The following APLP2 variants were observed in gnomAD, a reference collection of about 807,000 sequenced individuals.
APLP2 encodes CDEI box-binding protein.
Under a neutral mutation model 89.9 loss-of-function variants are expected in APLP2, and 53 were observed. The ratio of observed to expected loss-of-function variants is 0.59; its 90% CI spans 0.47 to 0.74. The LOEUF is 0.74. Among genes scored for constraint, APLP2 ranks in the 30% least tolerant of loss-of-function variants. The probability of loss-of-function intolerance (pLI) is 0.00; values close to 1 mark genes in which losing one functional copy is unlikely to be tolerated. For synonymous variants in APLP2, 372 were observed against 348.6 expected, an observed-to-expected ratio of 1.07 and a Z score of -0.75; for missense variants, 973 against 975.9, an observed-to-expected ratio of 1.00 and a Z score of 0.04.
chr11:130,090,536 C>T (rs1484975165), intron 1 of APLP2, among the ~76,000 whole-genome samples: 1 of 151,828 alleles, frequency 6.6e-6, no homozygotes, highest in Non-Finnish European at 1.5e-5. Flanking sequence ...TCCATTTAAC[C>T]CTGAGTGGAC....
intron 1 of APLP2, 77 bp downstream of exon 1, chr11:130,070,159 T>C (rs1309321969): frequency 9.6e-7 from 1 of 1,043,686 alleles, no homozygotes; most frequent in East Asian, 3.7e-5. Context: ...GGCAGCGGGG[T>C]CCGCGGCAGG....
chr11:130,071,944 C>G (rs1941184369), intron 1 of APLP2, among the ~76,000 whole-genome samples: 1 of 152,096 alleles, frequency 6.6e-6, no homozygotes, highest in Non-Finnish European at 1.5e-5. Context: ...AAGGGACTGT[C>G]GAAGCTTAAT....
At chr11:130,118,094 T>A (rs1166149012) in intron 3 of APLP2, among the ~76,000 whole-genome samples, 4 of 137,284 alleles carry the variant, frequency 2.9e-5, no homozygotes, top group African/African-American at 6.1e-5. Context: ...AAAAAAAAAA[T>A]AGTTGTTGTG....
chr11:130,070,690 C>A (rs1940842329), intron 1 of APLP2: 1 of 1,478,126 alleles, frequency 6.8e-7, no homozygotes, highest in Non-Finnish European at 8.9e-7. Flanking sequence ...GTCGCGGACG[C>A]GCATTTTTTA....
At chr11:130,080,984 C>T (rs1354894490) in intron 1 of APLP2, among the ~76,000 whole-genome samples, 2 of 151,756 alleles carry the variant, frequency 1.3e-5, no homozygotes, top group Non-Finnish European at 2.9e-5. Flanking sequence ...CCACCACGTC[C>T]GGTCGTTGGA....
intron 1 of APLP2, among the ~76,000 whole-genome samples, chr11:130,073,374 G>T (rs1026236349): frequency 6.6e-6 from 1 of 152,064 alleles, no homozygotes; most frequent in African/African-American, 2.4e-5. Flanking sequence ...TTAAAATTTT[G>T]CTTAAAGTTG....
chr11:130,112,358 A>G (rs1267357426), intron 3 of APLP2, among the ~76,000 whole-genome samples: 1 of 152,162 alleles, frequency 6.6e-6, no homozygotes, highest in Admixed American at 6.5e-5. Flanking sequence ...AAAATCGCTG[A>G]AAAAGAAATG....
intron 1 of APLP2, among the ~76,000 whole-genome samples, chr11:130,087,424 G>T (rs1000568163): frequency 6.6e-6 from 1 of 152,164 alleles, no homozygotes. Flanking sequence ...AGAACATCTG[G>T]CAGCAGGGGC....
chr11:130,070,636 C>T, intron 1 of APLP2: 3 of 1,459,298 alleles, frequency 2.1e-6, no homozygotes, highest in South Asian at 1.3e-5. Flanking sequence ...CGGGGGAGCT[C>T]CCGCGCCAGG....
At position 130,130,082 on chromosome 11, in the gene APLP2, G is replaced by C. The variant is rs1235085790; in HGVS notation, c.1500G>C (p.Glu500Asp). 1 of 1,614,242 alleles carries C rather than the reference G, an allele frequency of 6.2e-7. No individual in the cohort carries two copies. The highest frequency in any genetic ancestry group is 8.5e-7 in the Non-Finnish European group (1 of 1,180,044). The change falls in exon 11 of 17, where the codon GAG (glutamate) becomes GAC (aspartate). Residue 500 changes from glutamate to aspartate, a missense_variant. By Grantham distance (45) the Glu-to-Asp change is conservative. Transcript: ENST00000338167. Reference protein sequence around the residue: ...LQALRRYVRAENKDRLHTIRH... With the variant: ...LQALRRYVRADNKDRLHTIRH... ...CCTTACGGCGTTATGTCCGTGCTGA[G>C]AACAAAGATCGCTTACATACCATCC...
At chr11:130,140,183 T>G (rs1952178577) in intron 13 of APLP2, among the ~76,000 whole-genome samples, 2 of 152,228 alleles carry the variant, frequency 1.3e-5, no homozygotes, top group East Asian at 3.9e-4. Context: ...TCCCTCCTCC[T>G]CCATTATACC....
At position 130,120,725 on chromosome 11, in the gene APLP2, T is replaced by A. The variant is rs1949715602; in HGVS notation, c.423T>A (p.Asp141Glu). The A allele has an allele frequency of 1.2e-6, 2 of 1,613,912 alleles. No individual in the cohort carries two copies. Among genetic ancestry groups the A allele is most frequent in the African/African-American group, 1.3e-5 (1 of 75,038 alleles). ...FKCLVGEFVS[D>E]VLLVPEKCQF... ...TTCCAGTGGGTGAATTTGTAAGTGATGTCCTGCTAGTTCCAGAAAAGTGCC... is the reference window on the plus strand; with the variant it reads ...TTCCAGTGGGTGAATTTGTAAGTGAAGTCCTGCTAGTTCCAGAAAAGTGCC... The change falls in exon 4 of 17, where the codon GAT becomes GAA. Residue 141 changes from aspartate to glutamate, a missense_variant. Asp to Glu is a conservative substitution (Grantham distance 45). Coordinates refer to ENST00000338167, the MANE Select transcript of APLP2 (RefSeq NM_001142276.2).
chr11:130,109,543 C>G lies in APLP2; in HGVS notation c.220C>G (p.Pro74Ala). Residue 74 changes from proline (P) to alanine (A), a missense_variant, in exon 2 of 17, where the codon CCA (proline) becomes GCA (alanine). Transcript: ENST00000338167. The part of the protein sequence containing the change: ...NIQTGKWEPD[P>A]TGTKSCFETK... ...TCAGACTGGGAAATGGGAACCTGATCCAACAGGCACCAAGAGCTGCTTTGA... is the reference window on the plus strand; with the variant it reads ...TCAGACTGGGAAATGGGAACCTGATGCAACAGGCACCAAGAGCTGCTTTGA... The G allele has an allele frequency of 6.2e-7, 1 of 1,613,466 alleles. No homozygotes were observed. Among genetic ancestry groups the G allele is most frequent in the Non-Finnish European group, 8.5e-7 (1 of 1,179,692 alleles).
intron 1 of APLP2, among the ~76,000 whole-genome samples, chr11:130,079,935 T>A (rs998726406): frequency 6.6e-6 from 1 of 152,352 alleles, no homozygotes; most frequent in Admixed American, 6.5e-5. Context: ...TGAATGAATG[T>A]TGAGTTTTTT....
intron 1 of APLP2, among the ~76,000 whole-genome samples, chr11:130,105,348 C>G (rs553507037): frequency 6.6e-6 from 1 of 151,822 alleles, no homozygotes; most frequent in Non-Finnish European, 1.5e-5. Context: ...CCCAGGGGGT[C>G]GAGACTGTAA....
At chr11:130,078,813 C>G (rs1383347367) in intron 1 of APLP2, among the ~76,000 whole-genome samples, 3 of 151,808 alleles carry the variant, frequency 2.0e-5, no homozygotes, top group African/African-American at 7.3e-5. Context: ...TTCCATTGTT[C>G]TCTTTGTTTA....
chr11:130,114,472 C>G (rs1948951661), intron 3 of APLP2: 1 of 152,208 alleles, frequency 6.6e-6, no homozygotes, highest in Admixed American at 6.5e-5. Context: ...GTTTCATCAC[C>G]TGGCTAAGAT....
chr11:130,096,985 A>G (rs1017132808), intron 1 of APLP2, among the ~76,000 whole-genome samples: 1 of 152,206 alleles, frequency 6.6e-6, no homozygotes, highest in African/African-American at 2.4e-5. Flanking sequence ...AATAATGCAC[A>G]TGGGCATGGG....
chr11:130,109,293 A>G, intron 1 of APLP2, 136 bp from the exon 2 acceptor site: 1 of 759,474 alleles, frequency 1.3e-6, no homozygotes. Context: ...TCCTGGGAAA[A>G]GGATTTGTTT....
Sources: gnomAD v4.1 joint callset for allele counts (sites outside exome capture counted in the v4.1 genomes callset) on GRCh38, gnomAD v4.1.1 for gene constraint, MANE v1.5 for transcripts, NCBI Gene and HGNC (gene_info 2026-07-23, HGNC 2026-07-21) for gene names.